CABCOCO1: variants seen among roughly 807,000 people sequenced by gnomAD.
CABCOCO1 encodes ciliary associated calcium binding coiled-coil 1.
In CABCOCO1, 28 loss-of-function variants were observed where a neutral mutation model predicts 35.7. The observed-to-expected ratio is 0.78, with a 90% CI of 0.58 to 1.07. The LOEUF (loss-of-function observed/expected upper bound fraction) is 1.07. Ranked by LOEUF, CABCOCO1 falls within the 50% of genes least tolerant of loss-of-function variation. CABCOCO1 has a pLI of 0.00. For missense variants in CABCOCO1, 326 were observed against 309.2 expected (o/e 1.05, Z -0.41); for synonymous variants, 95 against 100.1 (o/e 0.95, Z 0.30).
chr10:61,715,222 A>G (rs1272363270), intron 5 of CABCOCO1, among the ~76,000 whole-genome samples: 1 of 152,106 alleles, frequency 6.6e-6, no homozygotes, highest in Non-Finnish European at 1.5e-5. Context: ...TATATTTAGG[A>G]TAGTTAGCTC....
At chr10:61,695,193 G>A (rs1219657444) in intron 5 of CABCOCO1, among the ~76,000 whole-genome samples, 1 of 151,542 alleles carries the variant, frequency 6.6e-6, no homozygotes, top group Admixed American at 6.6e-5. Flanking sequence ...TTAAATGGAT[G>A]TTCTGTAATA....
intron 3 of CABCOCO1, 152 bp from the exon 4 acceptor site, chr10:61,685,889 A>G (rs183677780): frequency 4.3e-6 from 3 of 689,838 alleles, no homozygotes; most frequent in East Asian, 6.7e-5. Flanking sequence ...CATAAAACGT[A>G]TTAATTTATT....
chr10:61,710,964 A>C lies in CABCOCO1; in HGVS notation c.552+20343A>C, dbSNP rs538974027. 2.0e-5 allele frequency among the ~76,000 whole-genome samples: 3 copies of C among 152,014 alleles called. No individual in the cohort carries two copies. In the South Asian group the frequency reaches 6.2e-4, roughly 31 times the overall value. Reference sequence around the variant, plus strand: ...CTACAAACCCCAAATCAATCACCAAAAACAAACAAAAACTTATAGCTAAAA... The same window carrying C: ...CTACAAACCCCAAATCAATCACCAACAACAAACAAAAACTTATAGCTAAAA... On this transcript the variant is annotated intron_variant, in intron 5 of 7. Coordinates refer to ENST00000648843, the MANE Select transcript of CABCOCO1 (RefSeq NM_001366906.2).
chr10:61,731,637 G>T lies in CABCOCO1; in HGVS notation c.553-28422G>T, dbSNP rs141342237. Among the ~76,000 whole-genome samples the T allele has an allele frequency of 3.7e-3, 557 of 151,716 alleles. 6 individuals are homozygous for T. The highest frequency in any genetic ancestry group is 0.012 in the African/African-American group (512 of 41,366). On this transcript the variant is annotated intron_variant, in intron 5 of 7. Coordinates refer to ENST00000648843, the MANE Select transcript of CABCOCO1 (RefSeq NM_001366906.2). The stretch of plus-strand genomic sequence containing the variant: ...GCAAAATTTTGATTAGTGCTTAATG[G>T]AGCATTTTGCTTAACTAAATTTGCT...
chr10:61,690,634 T>G lies in CABCOCO1; in HGVS notation c.552+13T>G. The G allele has an allele frequency of 6.4e-7, 1 of 1,551,724 alleles. No homozygotes were observed. Among genetic ancestry groups the G allele is most frequent in the Non-Finnish European group, 8.9e-7 (1 of 1,126,288 alleles). ...GATAGGAACTGAGGTAAGTAATTTATCTAGATGGAACAAGTTAAGCAGAAT... is the reference window on the plus strand; with the variant it reads ...GATAGGAACTGAGGTAAGTAATTTAGCTAGATGGAACAAGTTAAGCAGAAT... On this transcript the variant is annotated intron_variant, in intron 5 of 7. Transcript: ENST00000648843.
chr10:61,663,508 CTG>C (rs911339947), intron 1 of CABCOCO1, among the ~76,000 whole-genome samples: 1 of 151,932 alleles, frequency 6.6e-6, no homozygotes, highest in Non-Finnish European at 1.5e-5. Context: ...GAAATAATAA[CTG>C]TTTACTGGTG....
intron 5 of CABCOCO1, among the ~76,000 whole-genome samples, chr10:61,710,997 A>T (rs757863543): frequency 5.9e-5 from 9 of 151,958 alleles, no homozygotes; most frequent in Non-Finnish European, 8.8e-5. Flanking sequence ...AAAATCAAGC[A>T]GAAGGGATAA....
At chr10:61,712,080 C>A (rs1377299708) in intron 5 of CABCOCO1, among the ~76,000 whole-genome samples, 1 of 152,132 alleles carries the variant, frequency 6.6e-6, no homozygotes, top group Non-Finnish European at 1.5e-5. Context: ...AATGGTTGAA[C>A]TAATTTACAC....
At chr10:61,667,588 T>C (rs1248673017) in intron 1 of CABCOCO1, among the ~76,000 whole-genome samples, 1 of 151,830 alleles carries the variant, frequency 6.6e-6, no homozygotes, top group Non-Finnish European at 1.5e-5. Context: ...TTTATAGTTT[T>C]ATAATTTATA....
At chr10:61,735,492 C>T (rs1438643192) in intron 5 of CABCOCO1, among the ~76,000 whole-genome samples, 1 of 152,134 alleles carries the variant, frequency 6.6e-6, no homozygotes, top group African/African-American at 2.4e-5. Context: ...CCCCCACCAA[C>T]CCCTCTGGAG....
intron 5 of CABCOCO1, among the ~76,000 whole-genome samples, chr10:61,734,689 T>C (rs1403092760): frequency 6.6e-6 from 1 of 152,082 alleles, no homozygotes; most frequent in East Asian, 1.9e-4. Flanking sequence ...ATGTCTGTAA[T>C]TACAGACCAT....
chr10:61,686,053 C>T lies in CABCOCO1; in HGVS notation c.347C>T (p.Ser116Phe), dbSNP rs749725890. ...SLQNLKTLHM[S>F]LEESIKWLGE... is the part of the protein sequence containing the mutation. ...GATTTTATTTCAGCACTACATATGTCCTTAGAGGAAAGCATAAAATGGCTT... is the reference window on the plus strand; with the variant it reads ...GATTTTATTTCAGCACTACATATGTTCTTAGAGGAAAGCATAAAATGGCTT... The change falls in exon 4 of 8, where the codon TCC (serine) becomes TTC (phenylalanine). Residue 116 changes from serine to phenylalanine, a missense_variant. By Grantham distance (155) the Ser-to-Phe change is radical. Coordinates refer to ENST00000648843, the MANE Select transcript of CABCOCO1 (RefSeq NM_001366906.2). The T allele has an allele frequency of 6.2e-7, 1 of 1,603,526 alleles. No individual in the cohort carries two copies. Among genetic ancestry groups the T allele is most frequent in the Admixed American group, 1.8e-5 (1 of 57,030 alleles).
intron 4 of CABCOCO1, among the ~76,000 whole-genome samples, chr10:61,686,633 G>A (rs1839974951): frequency 6.6e-6 from 1 of 152,016 alleles, no homozygotes; most frequent in South Asian, 2.1e-4. Flanking sequence ...TTAAATATTT[G>A]TTTTGAATGC....
At chr10:61,677,442 A>G (rs1353991587) in intron 2 of CABCOCO1, among the ~76,000 whole-genome samples, 2 of 152,202 alleles carry the variant, frequency 1.3e-5, no homozygotes, top group East Asian at 3.8e-4. Context: ...AAGACTTAAG[A>G]ATGTATGAAG....
chr10:61,683,784 AAT>A lies in CABCOCO1; in HGVS notation c.335-2254_335-2253del, dbSNP rs760234618. ...ACTAAATGTGATTTTTAAAAAAGCA[AAT>A]ATTTCAGTTAGATAAATGAAATTAT... On this transcript the variant is annotated intron_variant, in intron 3 of 7. Transcript: ENST00000648843. Among the ~76,000 whole-genome samples the A allele has an allele frequency of 3.9e-5, 6 of 152,312 alleles. No individual in the cohort carries two copies. The South Asian group carries it at 1.2e-3, about 32-fold the overall frequency.
intron 5 of CABCOCO1, among the ~76,000 whole-genome samples, chr10:61,754,059 A>G (rs1324405769): frequency 6.6e-6 from 1 of 152,156 alleles, no homozygotes; most frequent in African/African-American, 2.4e-5. Context: ...AATTATAAGT[A>G]ATAATAGTAA....
chr10:61,745,897 G>A (rs535270385), intron 5 of CABCOCO1, among the ~76,000 whole-genome samples: 1 of 152,312 alleles, frequency 6.6e-6, no homozygotes, highest in Admixed American at 6.5e-5. Context: ...TCTGAGACTA[G>A]AGTTCAAATC....
At chr10:61,762,510 T>G (rs1233274992) in intron 7 of CABCOCO1, among the ~76,000 whole-genome samples, 1 of 152,052 alleles carries the variant, frequency 6.6e-6, no homozygotes, top group Non-Finnish European at 1.5e-5. Context: ...GTAAGTGGAT[T>G]TGTAGACATC....
chr10:61,733,023 A>T (rs1841339316), intron 5 of CABCOCO1, among the ~76,000 whole-genome samples: 1 of 152,030 alleles, frequency 6.6e-6, no homozygotes, highest in South Asian at 2.1e-4. Context: ...TTCTGTTTCT[A>T]CATTTACTAA....
Sources: allele counts gnomAD v4.1 joint callset (sites outside exome capture counted in the v4.1 genomes callset), GRCh38; gene constraint gnomAD v4.1.1; transcripts MANE v1.5; gene names NCBI Gene and HGNC (gene_info 2026-07-23, HGNC 2026-07-21).